The following CA1 variants were observed in gnomAD, a reference collection of about 807,000 sequenced individuals.
CA1 encodes the protein carbonate dehydratase I.
A neutral mutation model predicts 28.8 loss-of-function variants in CA1; 27 were observed. The observed-to-expected ratio is 0.94, with a 90% CI of 0.69 to 1.29. CA1 has a LOEUF of 1.29. Among genes scored for constraint, CA1 ranks in the 50% most tolerant of loss-of-function variants. CA1 has a pLI of 0.00. For synonymous variants in CA1, 121 were observed against 108.8 expected, an observed-to-expected ratio of 1.11 and a Z score of -0.70; for missense variants, 335 against 310.5, an observed-to-expected ratio of 1.08 and a Z score of -0.59.
At chr8:85,376,028 A>C (rs562673070) in intron 1 of CA1, among the ~76,000 whole-genome samples, 1 of 152,322 alleles carries the variant, frequency 6.6e-6, no homozygotes, top group South Asian at 2.1e-4. Flanking sequence ...ATCAAATTAC[A>C]CAGTTATAAG....
chr8:85,370,995 T>A (rs1042839653), intron 1 of CA1, among the ~76,000 whole-genome samples: 1 of 152,232 alleles, frequency 6.6e-6, no homozygotes, highest in African/African-American at 2.4e-5. Context: ...ATTTAACATA[T>A]GACACAGTGT....
At chr8:85,361,737 G>T (rs1228083965) in intron 1 of CA1, among the ~76,000 whole-genome samples, 1 of 152,138 alleles carries the variant, frequency 6.6e-6, no homozygotes, top group Non-Finnish European at 1.5e-5. Flanking sequence ...TATTGAGCTT[G>T]ATGTCTAACA....
chr8:85,376,323 C>A (rs1810414529), intron 1 of CA1, among the ~76,000 whole-genome samples: 1 of 151,254 alleles, frequency 6.6e-6, no homozygotes, highest in African/African-American at 2.4e-5. Flanking sequence ...GAGTGAGATT[C>A]TGTCTCAAAA....
chr8:85,331,968 C>G (rs931680802), intron 6 of CA1, among the ~76,000 whole-genome samples: 1 of 152,078 alleles, frequency 6.6e-6, no homozygotes, highest in African/African-American at 2.4e-5. Context: ...TGACAGTTCT[C>G]CATGCTGCAA....
rs78898210 is a variant in CA1, at chr8:85,328,622, T to C, written c.724A>G (p.Met242Val). ...SNVEGDNAVP[M>V]QHNNRPTQPL... ...TGGGTTGGGCGGTTGTTGTGCTGCA[T>C]GGGGACAGCGTTATCACCTTCAACA... The change falls in exon 8 of 8, where the codon ATG (methionine) becomes GTG (valine). Residue 242 changes from methionine (M) to valine (V), a missense_variant. Met to Val is a conservative substitution (Grantham distance 21, BLOSUM62 1). Transcript: ENST00000523022. 1.2e-3 allele frequency: 1,977 copies of C among 1,611,988 alleles called. 25 individuals are homozygous for C. In the African/African-American group the frequency reaches 0.023, roughly 19 times the overall value.
intron 4 of CA1, among the ~76,000 whole-genome samples, chr8:85,335,427 C>A (rs1267545651): frequency 1.3e-5 from 2 of 152,078 alleles, no homozygotes; most frequent in African/African-American, 4.8e-5. Flanking sequence ...TATCTAGATT[C>A]TCTATATAGG....
rs1185823047 is a variant in CA1, at chr8:85,333,638, GTTAA to G, written c.355-22_355-19del. 3.4e-6 allele frequency: 5 copies of G among 1,474,068 alleles called. No homozygotes were observed. The highest frequency in any genetic ancestry group is 1.7e-5 in the Admixed American group (1 of 59,698). The allele number at this position is 1,474,068 out of a possible 1,614,324, so 91.3% of individuals were successfully genotyped here. On this transcript the variant is annotated intron_variant, in intron 4 of 7. Coordinates refer to ENST00000523022, the MANE Select transcript of CA1 (RefSeq NM_001128831.4). ...ACGTGAAGCTAAAAATGATACTATGGTTAATTAATTATTTATACCAGTGTGATGA... is the reference window on the plus strand; with the variant it reads ...ACGTGAAGCTAAAAATGATACTATGGTTAATTATTTATACCAGTGTGATGA...
intron 1 of CA1, among the ~76,000 whole-genome samples, chr8:85,353,444 A>G (rs1480265036): frequency 6.6e-6 from 1 of 152,230 alleles, no homozygotes; most frequent in Non-Finnish European, 1.5e-5. Context: ...TTAAAGAGAT[A>G]TTTGATGCAT....
chr8:85,334,926 G>T (rs969294794), intron 4 of CA1, among the ~76,000 whole-genome samples: 2 of 152,102 alleles, frequency 1.3e-5, no homozygotes, highest in Non-Finnish European at 1.5e-5. Context: ...AGAGGAGGAG[G>T]TTGCAGTAAG....
intron 1 of CA1, among the ~76,000 whole-genome samples, chr8:85,370,451 T>C (rs904089150): frequency 5.9e-5 from 9 of 152,136 alleles, no homozygotes; most frequent in Admixed American, 5.9e-4. Flanking sequence ...ACTTTTAAAA[T>C]CTTCTGGCTT....
chr8:85,333,719 T>G, intron 4 of CA1, 99 bp from the exon 5 acceptor site: 2 of 769,108 alleles, frequency 2.6e-6, no homozygotes, highest in Non-Finnish European at 4.4e-6. Context: ...GTATCTTGGC[T>G]TAGATACATA....
chr8:85,342,321 A>G (rs893067582), intron 1 of CA1, among the ~76,000 whole-genome samples: 3 of 152,158 alleles, frequency 2.0e-5, no homozygotes, highest in African/African-American at 7.2e-5. Flanking sequence ...TACAAGAATA[A>G]AGGTCTTATT....
rs1366112943 is a variant in CA1 at position 85,328,659 on chromosome 8, G to C, written c.687C>G (p.Ser229Arg). Reference protein sequence around the residue: ...VSSEQLAQFRSLLSNVEGDNA... With the variant: ...VSSEQLAQFRRLLSNVEGDNA... Reference sequence around the variant, plus strand: ...TATCACCTTCAACATTTGATAGAAGGCTGCGGAATTGTGCCAGCTAGAAGG... The same window carrying C: ...TATCACCTTCAACATTTGATAGAAGCCTGCGGAATTGTGCCAGCTAGAAGG... The change falls in exon 8 of 8, where the codon AGC (serine) becomes AGG (arginine). Residue 229 changes from serine to arginine, a missense_variant. Ser to Arg is a moderately radical substitution (Grantham distance 110, BLOSUM62 -1). Transcript: ENST00000523022. 1 of 1,607,460 alleles carries C rather than the reference G, an allele frequency of 6.2e-7. No homozygotes were observed. Among genetic ancestry groups the C allele is most frequent in the African/African-American group, 1.3e-5 (1 of 74,760 alleles).
intron 1 of CA1, among the ~76,000 whole-genome samples, chr8:85,370,018 A>C (rs1223560300): frequency 6.6e-6 from 1 of 152,156 alleles, no homozygotes; most frequent in Non-Finnish European, 1.5e-5. Flanking sequence ...CATGACACCA[A>C]ACCTTTCAGA....
At chr8:85,371,660 A>G (rs1170643531) in intron 1 of CA1, among the ~76,000 whole-genome samples, 1 of 152,210 alleles carries the variant, frequency 6.6e-6, no homozygotes, top group Non-Finnish European at 1.5e-5. Context: ...GAGAGGTAAT[A>G]TGATTTACAA....
At chr8:85,336,432 C>G (rs565149782) in intron 4 of CA1, among the ~76,000 whole-genome samples, 51 of 152,272 alleles carry the variant, frequency 3.3e-4, no homozygotes, top group African/African-American at 1.2e-3. Flanking sequence ...AAGTCACAAA[C>G]TTCCATGTGA....
At chr8:85,365,975 G>A (rs1336273638) in intron 1 of CA1, among the ~76,000 whole-genome samples, 1 of 152,094 alleles carries the variant, frequency 6.6e-6, no homozygotes, top group Non-Finnish European at 1.5e-5. Context: ...CCCTGAGTGG[G>A]TGCAATCAAT....
At chr8:85,338,648 CTTT>C (rs1808771540) in intron 2 of CA1, among the ~76,000 whole-genome samples, 199 bp from the exon 3 acceptor site, 1 of 23,666 alleles carries the variant, frequency 4.2e-5, no homozygotes, top group Non-Finnish European at 1.2e-4. Flanking sequence ...TTCTTTCTTT[CTTT>C]CTTTCTTTCT....
intron 1 of CA1, among the ~76,000 whole-genome samples, chr8:85,348,453 T>A (rs1400761725): frequency 6.6e-6 from 1 of 152,230 alleles, no homozygotes; most frequent in Middle Eastern, 3.2e-3. Context: ...TAATTTACTC[T>A]GATCTTTGTC....
Sources: allele counts gnomAD v4.1 joint callset (sites outside exome capture counted in the v4.1 genomes callset), GRCh38; gene constraint gnomAD v4.1.1; transcripts MANE v1.5; gene names NCBI Gene and HGNC (gene_info 2026-07-23, HGNC 2026-07-21).